Variants in CWH43 observed in about 807,000 individuals in gnomAD.
The protein encoded by CWH43 is PGAP2-interacting protein.
A neutral mutation model predicts 85.7 loss-of-function variants in CWH43; 91 were observed. The ratio of observed to expected loss-of-function variants is 1.06; its 90% CI spans 0.90 to 1.26. The LOEUF (loss-of-function observed/expected upper bound fraction) is 1.26. CWH43 is among the 50% of genes most tolerant of loss of function. The pLI, the probability that CWH43 is intolerant of heterozygous loss-of-function variation, is 0.00. For synonymous variants in CWH43, 323 were observed against 293.6 expected (o/e 1.10, Z -1.02); for missense variants, 869 against 839.2 (o/e 1.04, Z -0.44).
intron 10 of CWH43, among the ~76,000 whole-genome samples, chr4:49,030,467 G>A (rs1784060871): frequency 6.6e-6 from 1 of 152,184 alleles, no homozygotes; most frequent in Non-Finnish European, 1.5e-5. Context: ...GGAGCTGTTT[G>A]TGCTGGAATA....
At chr4:48,993,817 C>A (rs541663304) in intron 4 of CWH43, among the ~76,000 whole-genome samples, 1 of 152,130 alleles carries the variant, frequency 6.6e-6, no homozygotes, top group African/African-American at 2.4e-5. Context: ...TGCAGTGTCA[C>A]GATCTCAGCG....
rs537235759 is a variant in CWH43, at chr4:48,998,252, T to G, written c.714-208T>G. ...TGTTTACATGATAAGTTGGCAGATA[T>G]CATTGATCTCATGGCAGAGGTTTTA... is the stretch of plus-strand genomic sequence containing the variant. On this transcript the variant is annotated intron_variant, in intron 5 of 15. Transcript: ENST00000226432. Among the ~76,000 whole-genome samples, 13 of 152,332 alleles carry G rather than the reference T, an allele frequency of 8.5e-5. No individual in the cohort carries two copies. In the East Asian group the frequency reaches 2.5e-3, roughly 29 times the overall value.
chr4:49,058,344 A>G (rs754787641), intron 15 of CWH43, among the ~76,000 whole-genome samples: 2 of 152,200 alleles, frequency 1.3e-5, no homozygotes, highest in Non-Finnish European at 2.9e-5. Context: ...TCTGCTGCAT[A>G]TAAAAACTGA....
chr4:49,028,591 C>G, intron 9 of CWH43, 38 bp from the exon 10 acceptor site: 1 of 1,477,216 alleles, frequency 6.8e-7, no homozygotes, highest in Non-Finnish European at 9.4e-7. Context: ...TGCCATTGTT[C>G]ACAGTCATCC....
chr4:48,992,455 ACCT>A lies in CWH43; in HGVS notation c.511+367_511+369del, dbSNP rs1782687751. ...TTCTCCATCCTCCACCTCCACACTG[ACCT>A]CAGTACATCTGTAACACTAAGGAAA... On this transcript the variant is annotated intron_variant, in intron 4 of 15. Coordinates refer to ENST00000226432, the MANE Select transcript of CWH43 (RefSeq NM_025087.3). This position sits in a 1 kb window ranked among gnomAD's most constrained non-coding sequence, Gnocchi z 4.3. Among the ~76,000 whole-genome samples the A allele has an allele frequency of 6.6e-6, 1 of 151,988 alleles. No homozygotes were observed. The highest frequency in any genetic ancestry group is 2.1e-4 in the South Asian group (1 of 4,810).
intron 1 of CWH43, among the ~76,000 whole-genome samples, chr4:48,987,734 G>A (rs990358304): frequency 2.0e-5 from 3 of 152,170 alleles, no homozygotes; most frequent in African/African-American, 4.8e-5. Context: ...TACAGCAGCT[G>A]TTGGCAGAGG....
intron 3 of CWH43, 78 bp from the exon 4 acceptor site, chr4:48,991,858 T>C: frequency 7.8e-7 from 1 of 1,282,860 alleles, no homozygotes. Flanking sequence ...CTACTTATTC[T>C]ATGAAACTGA....
Position 48,988,603 on chromosome 4 carries a change from T to G in CWH43, c.170T>G (p.Ile57Ser). 6.2e-7 allele frequency: 1 copy of G among 1,613,502 alleles called. No homozygotes were observed. ...TTTCTTTCTCCAATATTCCTAACAA[T>G]TACTCCTTTCTGGAAATTGGTTAAC... ...IAFLSPIFLT[I>S]TPFWKLVNKK... Residue 57 changes from isoleucine (I) to serine (S), a missense_variant, in exon 2 of 16, where the codon ATT (isoleucine) becomes AGT (serine). Physicochemically the swap from Ile to Ser is moderately radical, Grantham distance 142 (BLOSUM62 -2). Coordinates refer to ENST00000226432, the MANE Select transcript of CWH43 (RefSeq NM_025087.3).
chr4:49,002,820 A>C (rs1018031727), intron 6 of CWH43, among the ~76,000 whole-genome samples: 1 of 152,126 alleles, frequency 6.6e-6, no homozygotes, highest in Non-Finnish European at 1.5e-5. Context: ...TGATGAACTT[A>C]TTGAGCTATG....
At chr4:49,054,230 C>A (rs922522908) in intron 15 of CWH43, among the ~76,000 whole-genome samples, 2 of 152,142 alleles carry the variant, frequency 1.3e-5, no homozygotes, top group Non-Finnish European at 2.9e-5. Context: ...CATGTGGATA[C>A]CCAGTTCCCC....
At position 49,003,799 on chromosome 4, in the gene CWH43, C is replaced by T. The variant is rs147362118; in HGVS notation, c.867C>T (p.Val289=). 1 of 1,613,980 alleles carries T rather than the reference C, an allele frequency of 6.2e-7. No individual in the cohort carries two copies. Among genetic ancestry groups the T allele is most frequent in the African/African-American group, 1.3e-5 (1 of 75,028 alleles). ...HTWAAAVSGC[V]FAIFTASMWP... is the part of the protein sequence containing the mutation. ...GGGCAGCTGCTGTGTCTGGCTGTGT[C>T]TTCGCCATCTTTACTGCATCCATGT... Residue 289 remains valine, a synonymous_variant, in exon 7 of 16, where the codon GTC becomes GTT. Transcript: ENST00000226432.
At chr4:49,047,816 C>T (rs1331041146) in intron 14 of CWH43, among the ~76,000 whole-genome samples, 2 of 152,120 alleles carry the variant, frequency 1.3e-5, no homozygotes, top group African/African-American at 2.4e-5. Context: ...TGACCTTACT[C>T]GTTCTTGGAC....
chr4:49,048,808 T>TG (rs1259073934), intron 14 of CWH43, among the ~76,000 whole-genome samples: 1 of 152,124 alleles, frequency 6.6e-6, no homozygotes, highest in Non-Finnish European at 1.5e-5. Context: ...AAATGAATTT[T>TG]GGGGGGAACA....
chr4:49,019,339 G>T (rs1219743660), intron 9 of CWH43, among the ~76,000 whole-genome samples: 2 of 152,064 alleles, frequency 1.3e-5, no homozygotes, highest in African/African-American at 4.8e-5. Context: ...GAAAAAAGTT[G>T]TGAGGCCTGG....
At position 48,988,652 on chromosome 4, in the gene CWH43, G is replaced by A; in HGVS notation, c.219G>A (p.Leu73=). The A allele has an allele frequency of 6.2e-7, 1 of 1,603,424 alleles. No individual in the cohort carries two copies. The highest frequency in any genetic ancestry group is 8.5e-7 in the Non-Finnish European group (1 of 1,175,496). ...LVNKKWMLTL[L]RIITIGSIAS... is the part of the protein sequence containing the mutation. ...ACAAGAAGTGGATGCTAACCCTGCT[G>A]AGGATAATCACTATTGGTAAGATTT... is the stretch of plus-strand genomic sequence containing the variant. The change falls in exon 2 of 16, where the codon CTG becomes CTA. Residue 73 remains leucine (L), a synonymous_variant. Transcript: ENST00000226432.
chr4:49,007,623 C>T (rs1167115637), intron 8 of CWH43, among the ~76,000 whole-genome samples: 1 of 152,014 alleles, frequency 6.6e-6, no homozygotes, highest in Non-Finnish European at 1.5e-5. Flanking sequence ...TATCCCTCCC[C>T]CCTCACCCCA....
At chr4:49,052,188 G>A (rs914621288) in intron 15 of CWH43, among the ~76,000 whole-genome samples, 1 of 152,116 alleles carries the variant, frequency 6.6e-6, no homozygotes, top group African/African-American at 2.4e-5. Context: ...GTCTAGATTT[G>A]TTCCAATTCC....
chr4:49,011,999 C>A (rs1008966930), intron 8 of CWH43, among the ~76,000 whole-genome samples: 32 of 152,086 alleles, frequency 2.1e-4, no homozygotes, highest in African/African-American at 7.5e-4. Context: ...CTCTGTATTT[C>A]CTGAATTTGA....
chr4:48,991,810 A>T (rs1782669174), intron 3 of CWH43, 126 bp from the exon 4 acceptor site: 1 of 943,900 alleles, frequency 1.1e-6, no homozygotes, highest in Non-Finnish European at 1.6e-6. Context: ...AGGCTAAATC[A>T]CATTCATTAT....
Sources: allele counts gnomAD v4.1 joint callset (sites outside exome capture counted in the v4.1 genomes callset), GRCh38; gene constraint gnomAD v4.1.1; non-coding constraint Gnocchi (gnomAD v3.1); transcripts MANE v1.5; gene names NCBI Gene and HGNC (gene_info 2026-07-23, HGNC 2026-07-21).